TENT5D: variants seen among roughly 807,000 people sequenced by gnomAD.
The protein encoded by TENT5D is terminal nucleotidyltransferase 5D, also known as cancer/testis antigen 112.
For synonymous variants in TENT5D, 103 were observed against 100.6 expected (o/e 1.02, Z -0.15); for missense variants, 191 against 287.0 (o/e 0.67, Z 2.42).
intron 3 of TENT5D, among the ~76,000 whole-genome samples, chrX:80,376,185 CCT>C (rs2147528712): frequency 9.1e-6 from 1 of 109,760 alleles, no homozygotes; most frequent in East Asian, 2.9e-4. Context: ...TTTTAATTTT[CCT>C]CTGTTTAAAG....
chrX:80,384,342 G>C (rs1357737451), intron 3 of TENT5D, among the ~76,000 whole-genome samples: 2 of 69,695 alleles, frequency 2.9e-5, no homozygotes, highest in Non-Finnish European at 5.4e-5. Flanking sequence ...TATCTCAATA[G>C]ATGCAGAAAA....
At chrX:80,408,352 T>C (rs1359239328) in intron 3 of TENT5D, among the ~76,000 whole-genome samples, 2 of 110,239 alleles carry the variant, frequency 1.8e-5, no homozygotes, top group African/African-American at 6.6e-5. Flanking sequence ...GATAGACCGC[T>C]AGCAAGACTA....
chrX:80,365,016 G>A (rs1470148329), intron 3 of TENT5D, among the ~76,000 whole-genome samples: 1 of 110,405 alleles, frequency 9.1e-6, no homozygotes, highest in African/African-American at 3.3e-5. Context: ...AGTCCTTGGT[G>A]CCTTCCTTCA....
chrX:80,360,156 T>C lies in TENT5D; in HGVS notation c.-142+17592T>C, dbSNP rs142752855. Reference sequence around the variant, plus strand: ...AATCATCTTTCCCCATTGCACTTAATATAATACAAAAGTAATAATGCCACA... The same window carrying C: ...AATCATCTTTCCCCATTGCACTTAACATAATACAAAAGTAATAATGCCACA... On this transcript the variant is annotated intron_variant, in intron 3 of 4. Coordinates refer to the TENT5D transcript ENST00000538312. Among the ~76,000 whole-genome samples, 525 of 112,149 alleles carry C rather than the reference T, an allele frequency of 4.7e-3. 7 individuals carry two copies. The highest frequency in any genetic ancestry group is 0.016 in the African/African-American group (497 of 30,976).
At chrX:80,372,406 A>G (rs1474150217) in intron 3 of TENT5D, among the ~76,000 whole-genome samples, 1 of 112,146 alleles carries the variant, frequency 8.9e-6, no homozygotes, top group Admixed American at 9.5e-5. Flanking sequence ...ACAAAAGCGC[A>G]TTATCATGAT....
chrX:80,417,073 T>G (rs1264052684), upstream of TENT5D, among the ~76,000 whole-genome samples: 4 of 111,708 alleles, frequency 3.6e-5, no homozygotes, highest in Non-Finnish European at 7.5e-5. Context: ...TTCTCCTTTT[T>G]GACTTTTGTT....
chrX:80,349,604 C>G (rs1031297614), intron 3 of TENT5D, among the ~76,000 whole-genome samples: 2 of 110,730 alleles, frequency 1.8e-5, no homozygotes, highest in Non-Finnish European at 3.8e-5. Context: ...AAAACAAGCT[C>G]CTGGAATCAT....
At chrX:80,359,111 C>T (rs1410483794) in intron 3 of TENT5D, among the ~76,000 whole-genome samples, 1 of 112,328 alleles carries the variant, frequency 8.9e-6, no homozygotes, top group Non-Finnish European at 1.9e-5. Context: ...GAGATACCAT[C>T]TCACAGCAGT....
intron 3 of TENT5D, among the ~76,000 whole-genome samples, chrX:80,381,113 TG>T (rs1422607301): frequency 8.9e-6 from 1 of 112,091 alleles, no homozygotes; most frequent in Non-Finnish European, 1.9e-5. Context: ...TTCCTTTCCA[TG>T]TTTAGTGCTT....
At chrX:80,429,242 G>C (rs1932039381) in intron 1 of TENT5D, among the ~76,000 whole-genome samples, 1 of 111,491 alleles carries the variant, frequency 9.0e-6, no homozygotes, top group African/African-American at 3.3e-5. Context: ...AAGTGTTCTG[G>C]CTTGCCATAC....
At chrX:80,406,990 C>G (rs1280644616) in intron 3 of TENT5D, among the ~76,000 whole-genome samples, 1 of 105,844 alleles carries the variant, frequency 9.4e-6, no homozygotes, top group Non-Finnish European at 1.9e-5. Context: ...ATTTCATATC[C>G]AGCCAAACTA....
intron 1 of TENT5D, among the ~76,000 whole-genome samples, chrX:80,421,116 C>T (rs1175272197): frequency 8.9e-6 from 1 of 111,797 alleles, no homozygotes; most frequent in Non-Finnish European, 1.9e-5. Context: ...TTTATATAGT[C>T]CTGAACTTCC....
At chrX:80,393,293 T>G (rs1161216421) in intron 3 of TENT5D, among the ~76,000 whole-genome samples, 1 of 111,439 alleles carries the variant, frequency 9.0e-6, no homozygotes, top group Non-Finnish European at 1.9e-5. Flanking sequence ...CACATTCATA[T>G]TAAACAATTA....
intron 3 of TENT5D, among the ~76,000 whole-genome samples, chrX:80,376,499 C>A (rs954052476): frequency 2.7e-5 from 3 of 111,299 alleles, no homozygotes; most frequent in Non-Finnish European, 3.8e-5. Flanking sequence ...GTCAAACATT[C>A]TTTTTAAATT....
intron 3 of TENT5D, among the ~76,000 whole-genome samples, chrX:80,388,082 C>A (rs1178059340): frequency 9.1e-6 from 1 of 110,393 alleles, no homozygotes; most frequent in South Asian, 3.9e-4. Flanking sequence ...GCTCTTCATT[C>A]GGTTTTTGGT....
intron 3 of TENT5D, among the ~76,000 whole-genome samples, chrX:80,382,254 C>A (rs1426049627): frequency 2.7e-5 from 3 of 112,075 alleles, no homozygotes; most frequent in Non-Finnish European, 5.6e-5. Flanking sequence ...AGGTCCACTC[C>A]AGACCCTGTT....
intron 3 of TENT5D, among the ~76,000 whole-genome samples, chrX:80,402,587 T>G (rs1439134497): frequency 8.9e-6 from 1 of 112,342 alleles, no homozygotes; most frequent in Non-Finnish European, 1.9e-5. Context: ...GTATGTTATA[T>G]TTCCATTTTC....
chrX:80,442,562 A>G lies in TENT5D; in HGVS notation c.23A>G (p.Asn8Ser), dbSNP rs777296127. The G allele has an allele frequency of 5.0e-5, 60 of 1,203,070 alleles. No individual in the cohort carries two copies. The highest frequency in any genetic ancestry group is 2.1e-4 in the African/African-American group (12 of 57,343). ...ACAATGTCTGAAATCAGATTCACCA[A>G]TCTCACTTGGGATCAAGTTATAACA... Residue 8 changes from asparagine (N) to serine (S), a missense_variant, in exon 3 of 3, where the codon AAT (asparagine) becomes AGT (serine). Asn to Ser is a conservative substitution (Grantham distance 46). Transcript: ENST00000308293.
chrX:80,399,801 T>C (rs1931356931), intron 3 of TENT5D, among the ~76,000 whole-genome samples: 1 of 112,080 alleles, frequency 8.9e-6, no homozygotes, highest in South Asian at 3.7e-4. Context: ...TAAGTAGCCT[T>C]ATACACTTAC....
Sources: allele counts gnomAD v4.1 joint callset (sites outside exome capture counted in the v4.1 genomes callset), GRCh38; gene constraint gnomAD v4.1.1; transcripts MANE v1.5; gene names NCBI Gene and HGNC (gene_info 2026-07-23, HGNC 2026-07-21).